Variants in PARPBP observed in about 807,000 individuals in gnomAD.
PARPBP encodes the protein PCNA-interacting partner.
Under a neutral mutation model 50.0 loss-of-function variants are expected in PARPBP, and 52 were observed. That is an observed-to-expected ratio of 1.04 (90% CI 0.83 to 1.31). The LOEUF (loss-of-function observed/expected upper bound fraction) is 1.31, where lower values mean the gene tolerates loss of function less well. PARPBP is among the 50% of genes most tolerant of loss of function. The probability of loss-of-function intolerance (pLI) is 0.00; values close to 1 mark genes in which losing one functional copy is unlikely to be tolerated. For missense variants in PARPBP, 697 were observed against 672.0 expected, an observed-to-expected ratio of 1.04 and a Z score of -0.41; for synonymous variants, 244 against 232.1, an observed-to-expected ratio of 1.05 and a Z score of -0.47.
intron 2 of PARPBP, among the ~76,000 whole-genome samples, chr12:102,127,443 G>C (rs1212832535): frequency 6.6e-6 from 1 of 151,838 alleles, no homozygotes. Context: ...CAATGGAAGA[G>C]AGTGCCATTT....
At chr12:102,121,088 A>G (rs531709529) in intron 1 of PARPBP, among the ~76,000 whole-genome samples, 4 of 152,246 alleles carry the variant, frequency 2.6e-5, no homozygotes, top group Admixed American at 1.3e-4. Context: ...GACTTCTCAC[A>G]AGGGACTGGA....
intron 2 of PARPBP, among the ~76,000 whole-genome samples, chr12:102,142,173 C>G (rs1884710238): frequency 6.6e-6 from 1 of 152,098 alleles, no homozygotes; most frequent in Non-Finnish European, 1.5e-5. Context: ...TTCTTGGAGG[C>G]TTTGTTTGTT....
At chr12:102,148,639 TG>T (rs1885757275) in intron 3 of PARPBP, 176 bp downstream of exon 3, 1 of 449,380 alleles carries the variant, frequency 2.2e-6, no homozygotes, top group Non-Finnish European at 3.9e-6. Flanking sequence ...AAAGATTTTG[TG>T]GTAAATTTTC....
chr12:102,139,730 G>A (rs11519606), intron 2 of PARPBP, among the ~76,000 whole-genome samples: 58,534 of 152,006 alleles, frequency 0.39, 11,880 homozygotes, highest in African/African-American at 0.52. Context: ...TTCTGCATCT[G>A]TTGAGATAAT....
intron 2 of PARPBP, among the ~76,000 whole-genome samples, chr12:102,130,723 C>A (rs751575647): frequency 2.0e-5 from 3 of 151,514 alleles, no homozygotes; most frequent in Non-Finnish European, 4.4e-5. Context: ...GGCATGGGGG[C>A]AGACGCCTGT....
At position 102,196,214 on chromosome 12, in the gene PARPBP, G is replaced by A. The variant is rs202184661; in HGVS notation, c.1663G>A (p.Ala555Thr). Reference sequence around the variant, plus strand: ...ATTGTACGGCAAACTAGCTAAAGTAGCAAAAAGTAATAAATGTACTGCCAA... The same window carrying A: ...ATTGTACGGCAAACTAGCTAAAGTAACAAAAAGTAATAAATGTACTGCCAA... Reference protein sequence around the residue: ...NRLYGKLAKVAKSNKCTAKDK... With the variant: ...NRLYGKLAKVTKSNKCTAKDK... Residue 555 changes from alanine to threonine, a missense_variant, in exon 11 of 11, where the codon GCA (alanine) becomes ACA (threonine). Ala to Thr is a moderately conservative substitution (Grantham distance 58, BLOSUM62 0). Coordinates refer to ENST00000327680, the MANE Select transcript of PARPBP (RefSeq NM_017915.5). 333 of 1,610,322 alleles carry A rather than the reference G, an allele frequency of 2.1e-4. No homozygotes were observed. The highest frequency in any genetic ancestry group is 2.7e-4 in the Non-Finnish European group (315 of 1,178,334).
At chr12:102,127,645 A>G (rs1009547910) in intron 2 of PARPBP, among the ~76,000 whole-genome samples, 3 of 152,232 alleles carry the variant, frequency 2.0e-5, no homozygotes, top group Admixed American at 2.0e-4. Flanking sequence ...TTCTACATGT[A>G]TATGACCTGG....
chr12:102,123,871 C>T lies in PARPBP; in HGVS notation c.-3-15C>T. ...ACATAAGATACTTTAACTTTGTATT[C>T]TGTCCTACTTTAAGATAATGGCTGT... On this transcript the variant is annotated splice_polypyrimidine_tract_variant and intron_variant, in intron 1 of 10. Coordinates refer to ENST00000327680, the MANE Select transcript of PARPBP (RefSeq NM_017915.5). 1.3e-6 allele frequency: 2 copies of T among 1,520,720 alleles called. No individual in the cohort carries two copies. The highest frequency in any genetic ancestry group is 1.8e-6 in the Non-Finnish European group (2 of 1,133,412). 94.2% of individuals were successfully genotyped at this position (1,520,720 alleles called of 1,614,324 possible).
At chr12:102,143,484 C>T (rs1402286536) in intron 2 of PARPBP, among the ~76,000 whole-genome samples, 4 of 152,182 alleles carry the variant, frequency 2.6e-5, no homozygotes, top group African/African-American at 9.7e-5. Flanking sequence ...GTGCGCTGCA[C>T]CCACTGTCTG....
chr12:102,140,537 G>A (rs1203795019), intron 2 of PARPBP, among the ~76,000 whole-genome samples: 1 of 152,108 alleles, frequency 6.6e-6, no homozygotes, highest in East Asian at 1.9e-4. Flanking sequence ...TTTTGAATGT[G>A]TTTGCTCTTG....
chr12:102,193,268 G>T (rs1307132860), intron 9 of PARPBP, among the ~76,000 whole-genome samples: 2 of 151,836 alleles, frequency 1.3e-5, no homozygotes, highest in Non-Finnish European at 2.9e-5. Flanking sequence ...ACATTCTAAA[G>T]AAATTTTTGT....
At chr12:102,158,222 G>A (rs1009988816) in intron 4 of PARPBP, among the ~76,000 whole-genome samples, 5 of 150,038 alleles carry the variant, frequency 3.3e-5, no homozygotes, top group Admixed American at 3.3e-4. Flanking sequence ...CTTATCAAAT[G>A]AGATGAAGTA....
intron 8 of PARPBP, among the ~76,000 whole-genome samples, chr12:102,179,552 A>C (rs1280783783): frequency 6.6e-6 from 1 of 152,216 alleles, no homozygotes; most frequent in African/African-American, 2.4e-5. Context: ...CTGTGTGGTC[A>C]CATGTCCTTT....
intron 2 of PARPBP, among the ~76,000 whole-genome samples, chr12:102,127,319 G>C (rs1239300596): frequency 2.6e-5 from 4 of 151,850 alleles, no homozygotes; most frequent in African/African-American, 9.7e-5. Context: ...CTTGAGTCTG[G>C]GAGGTTGAGG....
intron 9 of PARPBP, among the ~76,000 whole-genome samples, chr12:102,187,431 C>A (rs1303520189): frequency 6.6e-6 from 1 of 151,978 alleles, no homozygotes; most frequent in African/African-American, 2.4e-5. Context: ...GGAAAATGAA[C>A]CCTGGGATTT....
intron 4 of PARPBP, among the ~76,000 whole-genome samples, chr12:102,159,145 C>T (rs1887287201): frequency 6.6e-6 from 1 of 151,996 alleles, no homozygotes; most frequent in Non-Finnish European, 1.5e-5. Context: ...CTTTTTTCCC[C>T]TCTGAGACGG....
At chr12:102,144,811 C>A (rs1288721640) in intron 2 of PARPBP, among the ~76,000 whole-genome samples, 1 of 152,022 alleles carries the variant, frequency 6.6e-6, no homozygotes, top group Non-Finnish European at 1.5e-5. Context: ...TGATGTGTAA[C>A]CTTTGTGGGG....
chr12:102,188,801 GAAAA>G (rs1167476733), intron 9 of PARPBP, among the ~76,000 whole-genome samples: 1 of 151,862 alleles, frequency 6.6e-6, no homozygotes, highest in African/African-American at 2.4e-5. Flanking sequence ...CAAAATATAT[GAAAA>G]AAATGGAGAA....
intron 3 of PARPBP, chr12:102,151,675 G>A (rs1193285433): frequency 3.9e-6 from 6 of 1,535,668 alleles, no homozygotes; most frequent in Non-Finnish European, 5.2e-6. Context: ...ATTGACTCTG[G>A]AGCGGCAGAA....
Sources: gnomAD v4.1 joint callset for allele counts (sites outside exome capture counted in the v4.1 genomes callset) on GRCh38, gnomAD v4.1.1 for gene constraint, MANE v1.5 for transcripts, NCBI Gene and HGNC (gene_info 2026-07-23, HGNC 2026-07-21) for gene names.